Variants in TFCP2 observed in about 807,000 individuals in gnomAD.
TFCP2 encodes transcription factor CP2, also known as alpha-globin transcription factor CP2.
Under a neutral mutation model 73.4 loss-of-function variants are expected in TFCP2, and 33 were observed. That is an observed-to-expected ratio of 0.45 (90% CI 0.34 to 0.60). TFCP2 has a LOEUF of 0.60. Among genes scored for constraint, TFCP2 ranks in the 20% least tolerant of loss-of-function variants. The probability of loss-of-function intolerance (pLI) is 0.01; values close to 1 mark genes in which losing one functional copy is unlikely to be tolerated. For missense variants in TFCP2, 352 were observed against 604.0 expected (o/e 0.58, Z 4.37); for synonymous variants, 193 against 211.6 (o/e 0.91, Z 0.76).
intron 1 of TFCP2, among the ~76,000 whole-genome samples, chr12:51,160,605 C>G (rs1359406747): frequency 1.3e-5 from 2 of 152,054 alleles, no homozygotes; most frequent in Non-Finnish European, 2.9e-5. Context: ...TCAACTAAAT[C>G]GGTGCTGAAA....
intron 1 of TFCP2, among the ~76,000 whole-genome samples, chr12:51,131,924 C>G (rs972291754): frequency 3.9e-5 from 6 of 152,084 alleles, no homozygotes; most frequent in African/African-American, 7.2e-5. Flanking sequence ...TATTTAAACA[C>G]AAAGTTTATG....
chr12:51,102,828 T>C (rs913533923), intron 10 of TFCP2, among the ~76,000 whole-genome samples: 24 of 152,102 alleles, frequency 1.6e-4, no homozygotes, highest in African/African-American at 5.6e-4. Context: ...AGAACACTTA[T>C]CTACAAAATC....
At chr12:51,124,712 C>G (rs1566212306) in intron 1 of TFCP2, 1 of 679,988 alleles carries the variant, frequency 1.5e-6, no homozygotes, top group South Asian at 1.4e-5. Context: ...TGGCAATCAG[C>G]TCGGTTGCCT....
chr12:51,132,932 A>G (rs898615445), intron 1 of TFCP2, among the ~76,000 whole-genome samples: 11 of 152,276 alleles, frequency 7.2e-5, no homozygotes, highest in Admixed American at 3.9e-4. Flanking sequence ...GCCTGCTGAT[A>G]CCACATGAAG....
rs150273885 is a variant in TFCP2, at chr12:51,127,997, G to A, written c.123-9225C>T. On this transcript the variant is annotated intron_variant, in intron 1 of 14. Transcript: ENST00000257915. ...TGCAGTGGTGCGATCTCGGCTCACC[G>A]CAACCTCTGCCTCCTGGGTTCAAGC... Among the ~76,000 whole-genome samples, 530 of 151,138 alleles carry A rather than the reference G, an allele frequency of 3.5e-3. 5 individuals carry two copies. Among genetic ancestry groups the A allele is most frequent in the African/African-American group, 0.012 (507 of 41,110 alleles).
intron 1 of TFCP2, among the ~76,000 whole-genome samples, chr12:51,151,890 A>G (rs1029329741): frequency 1.3e-5 from 2 of 152,204 alleles, no homozygotes; most frequent in Non-Finnish European, 2.9e-5. Flanking sequence ...GATAAAAAAT[A>G]ATAGGAACAG....
chr12:51,110,527 C>T (rs1028437821), intron 5 of TFCP2, among the ~76,000 whole-genome samples: 1 of 152,170 alleles, frequency 6.6e-6, no homozygotes, highest in Non-Finnish European at 1.5e-5. Context: ...GAGATTGCAC[C>T]ACTCCACTCC....
intron 4 of TFCP2, among the ~76,000 whole-genome samples, chr12:51,115,427 G>C (rs1940511716): frequency 6.6e-6 from 1 of 152,156 alleles, no homozygotes; most frequent in East Asian, 1.9e-4. Context: ...GCCGAAATTG[G>C]AACCTTTGAG....
Position 51,095,971 on chromosome 12 carries a change from T to A in TFCP2, c.1471+18A>T. 6.2e-7 allele frequency: 1 copy of A among 1,609,440 alleles called. No homozygotes were observed. The highest frequency in any genetic ancestry group is 8.5e-7 in the Non-Finnish European group (1 of 1,176,666). The stretch of plus-strand genomic sequence containing the variant: ...AGCTGTTAAACTGCTTAGAGAAAGA[T>A]GTTTGTCTTACTATTACCTTTCATT... On this transcript the variant is annotated intron_variant, in intron 14 of 14. Coordinates refer to ENST00000257915, the MANE Select transcript of TFCP2 (RefSeq NM_005653.5).
At chr12:51,144,055 C>T (rs1055538374) in intron 1 of TFCP2, among the ~76,000 whole-genome samples, 8 of 152,014 alleles carry the variant, frequency 5.3e-5, no homozygotes, top group Admixed American at 5.2e-4. Context: ...TTTTTTGAGA[C>T]AGGGTCTCAT....
At chr12:51,123,961 G>A (rs1940741704) in intron 1 of TFCP2, among the ~76,000 whole-genome samples, 1 of 152,184 alleles carries the variant, frequency 6.6e-6, no homozygotes, top group South Asian at 2.1e-4. Context: ...AAGAAATCAG[G>A]AGAGAGAGGA....
Position 51,117,707 on chromosome 12 carries a change from A to G in TFCP2, c.315T>C (p.Leu105=). The G allele has an allele frequency of 6.2e-7, 1 of 1,613,374 alleles. No homozygotes were observed. Among genetic ancestry groups the G allele is most frequent in the Admixed American group, 1.7e-5 (1 of 59,990 alleles). The change falls in exon 3 of 15, where the codon CTT becomes CTC. Residue 105 remains leucine (L), a synonymous_variant. Coordinates refer to ENST00000257915, the MANE Select transcript of TFCP2 (RefSeq NM_005653.5). ...YEIRMLDNRK[L]GELPEINGKL... is the part of the protein sequence containing the mutation. ...TGCCATTAATTTCTGGAAGTTCTCCAAGTTTCCTATTGTCTAGCATTCGAA... is the reference window on the plus strand; with the variant it reads ...TGCCATTAATTTCTGGAAGTTCTCCGAGTTTCCTATTGTCTAGCATTCGAA...
intron 1 of TFCP2, among the ~76,000 whole-genome samples, chr12:51,119,175 C>G (rs960877343): frequency 1.4e-4 from 22 of 152,168 alleles, no homozygotes; most frequent in Admixed American, 1.4e-3. Flanking sequence ...ATAACTTCTA[C>G]AATTCCTTAG....
Position 51,164,337 on chromosome 12 carries a change from G to A in TFCP2, c.122+7964C>T, listed in dbSNP as rs553942777. On this transcript the variant is annotated intron_variant, in intron 1 of 14. Transcript: ENST00000257915. The stretch of plus-strand genomic sequence containing the variant: ...CTCTTGGCCGGGTATGGTGGCTCAC[G>A]CCTGTAATCCCAGCACTTTGGGAGG... Among the ~76,000 whole-genome samples, 24 of 152,034 alleles carry A rather than the reference G, an allele frequency of 1.6e-4. No homozygotes were observed. In the East Asian group the frequency reaches 4.3e-3, roughly 27 times the overall value.
Position 51,099,654 on chromosome 12 carries a change from C to T in TFCP2, c.1276+1G>A, listed in dbSNP as rs747148394. 2 of 1,614,172 alleles carry T rather than the reference C, an allele frequency of 1.2e-6. No homozygotes were observed. Among genetic ancestry groups the T allele is most frequent in the Non-Finnish European group, 1.7e-6 (2 of 1,180,028 alleles). On this transcript the variant is annotated splice_donor_variant, in intron 12 of 14. Transcript: ENST00000257915. LOFTEE classifies it high-confidence loss of function. ...GTCCTAGTGTGTCCAGAACAACCTA[C>T]CGAAGAAAGTACCATTTGAGTCTCC...
chr12:51,152,840 G>A (rs980196534), intron 1 of TFCP2, among the ~76,000 whole-genome samples: 31 of 152,076 alleles, frequency 2.0e-4, no homozygotes, highest in Non-Finnish European at 2.1e-4. Flanking sequence ...TCACTTTTAA[G>A]TGGACAGTTC....
intron 1 of TFCP2, among the ~76,000 whole-genome samples, chr12:51,144,989 T>C (rs1373599923): frequency 6.6e-6 from 1 of 152,052 alleles, no homozygotes; most frequent in Non-Finnish European, 1.5e-5. Context: ...TCACTTGAGG[T>C]CAGGAGTTCG....
chr12:51,118,655 T>C lies in TFCP2; in HGVS notation c.240A>G (p.Lys80=). 6.2e-7 allele frequency: 1 copy of C among 1,614,054 alleles called. No individual in the cohort carries two copies. The highest frequency in any genetic ancestry group is 2.2e-5 in the East Asian group (1 of 44,878). The change falls in exon 2 of 15, where the codon AAA becomes AAG. Residue 80 remains lysine, a synonymous_variant. Coordinates refer to ENST00000257915, the MANE Select transcript of TFCP2 (RefSeq NM_005653.5). ...VLCAATSPAV[K]LHDETLTYLN... The stretch of plus-strand genomic sequence containing the variant: ...GATACGTTAGGGTTTCATCATGGAG[T>C]TTCACTGCTGGAGAGGTAGCAGCAC...
chr12:51,131,987 AAGTT>A (rs1940953955), intron 1 of TFCP2, among the ~76,000 whole-genome samples: 2 of 152,176 alleles, frequency 1.3e-5, no homozygotes, highest in Non-Finnish European at 2.9e-5. Context: ...ATTTACAACT[AAGTT>A]ATTTTTCATT....
Sources: allele counts gnomAD v4.1 joint callset (sites outside exome capture counted in the v4.1 genomes callset), GRCh38; gene constraint gnomAD v4.1.1; transcripts MANE v1.5; gene names NCBI Gene and HGNC (gene_info 2026-07-23, HGNC 2026-07-21).